The following MDFIC2 variants were observed in gnomAD, a reference collection of about 807,000 sequenced individuals.
MDFIC2 encodes MyoD family inhibitor domain containing 2.
chr3:70,221,042 T>G (rs1701457017), intron 2 of MDFIC2, among the ~76,000 whole-genome samples: 1 of 152,170 alleles, frequency 6.6e-6, no homozygotes, highest in Non-Finnish European at 1.5e-5. Flanking sequence ...CATATTATAT[T>G]GCATCTAAAC....
chr3:70,255,352 G>A (rs1198422073), intron 2 of MDFIC2, among the ~76,000 whole-genome samples: 1 of 152,196 alleles, frequency 6.6e-6, no homozygotes, highest in Non-Finnish European at 1.5e-5. Flanking sequence ...CCAAAGAAGA[G>A]GCTTGGCTGT....
chr3:70,260,286 G>C (rs1363259902), intron 2 of MDFIC2, among the ~76,000 whole-genome samples: 1 of 152,136 alleles, frequency 6.6e-6, no homozygotes, highest in African/African-American at 2.4e-5. Flanking sequence ...CCCTGTGTGT[G>C]TCTGTGTCTT....
At chr3:70,245,293 A>T (rs892033655) in intron 2 of MDFIC2, among the ~76,000 whole-genome samples, 1 of 152,132 alleles carries the variant, frequency 6.6e-6, no homozygotes, top group African/African-American at 2.4e-5. Context: ...ATATAAAATT[A>T]CTTTTGGATA....
chr3:70,203,666 A>T (rs1481514425), intron 3 of MDFIC2, among the ~76,000 whole-genome samples: 6 of 152,146 alleles, frequency 3.9e-5, no homozygotes, highest in Non-Finnish European at 5.9e-5. Context: ...AGAAAATGTA[A>T]TCATTTTATT....
intron 2 of MDFIC2, among the ~76,000 whole-genome samples, chr3:70,285,827 C>A (rs747272587): frequency 6.6e-6 from 1 of 152,284 alleles, no homozygotes; most frequent in South Asian, 2.1e-4. Flanking sequence ...AGCATTTAAT[C>A]ATGTGTTTTT....
At chr3:70,232,306 C>T (rs1012148111) in intron 2 of MDFIC2, among the ~76,000 whole-genome samples, 4 of 152,144 alleles carry the variant, frequency 2.6e-5, no homozygotes, top group Non-Finnish European at 4.4e-5. Context: ...GCAAGTGTCT[C>T]ATCTTCAACC....
chr3:70,206,722 A>C lies in MDFIC2; in HGVS notation c.157T>G (p.Ser53Ala). 1 of 397,836 alleles carries C rather than the reference A, an allele frequency of 2.5e-6. No homozygotes were observed. The highest frequency in any genetic ancestry group is 4.4e-6 in the Non-Finnish European group (1 of 225,556). 24.6% of individuals were successfully genotyped at this position (397,836 alleles called of 1,614,324 possible). A position where few individuals can be genotyped will look rare whatever the true frequency, so the allele number is the denominator to read the frequency against. Residue 53 changes from serine (S) to alanine (A), a missense_variant, in exon 3 of 4, where the codon TCT (serine) becomes GCT (alanine). Physicochemically the swap from Ser to Ala is moderately conservative, Grantham distance 99. Coordinates refer to ENST00000567252, the MANE Select transcript of MDFIC2 (RefSeq NM_001364677.1). ...PINAIVINSV[S>A]DFNITDGPAK... ...GGTCCATCTGTGATATTGAAGTCAG[A>C]TACTGAATTTATAACAATAGCATTA... is the stretch of plus-strand genomic sequence containing the variant.
chr3:70,267,488 C>T (rs1025066486), intron 2 of MDFIC2, among the ~76,000 whole-genome samples: 1 of 150,206 alleles, frequency 6.7e-6, no homozygotes, highest in African/African-American at 2.4e-5. Flanking sequence ...CTGCAAGCTC[C>T]GCCTCCTGGG....
intron 2 of MDFIC2, among the ~76,000 whole-genome samples, chr3:70,277,095 G>GT (rs762746048): frequency 1.8e-4 from 28 of 152,136 alleles, no homozygotes; most frequent in Non-Finnish European, 2.6e-4. Flanking sequence ...TCAATGAGGC[G>GT]TGAGAAACAT....
At chr3:70,295,768 A>C (rs774476952) in intron 2 of MDFIC2, among the ~76,000 whole-genome samples, 17 of 152,166 alleles carry the variant, frequency 1.1e-4, no homozygotes, top group Non-Finnish European at 2.2e-4. Flanking sequence ...GATCTGTGAT[A>C]TCTTTTGATT....
At chr3:70,274,368 T>G (rs1022470651) in intron 2 of MDFIC2, among the ~76,000 whole-genome samples, 11 of 151,400 alleles carry the variant, frequency 7.3e-5, no homozygotes, top group African/African-American at 2.5e-4. Flanking sequence ...TTAATTCTCT[T>G]GAAATATAGA....
At chr3:70,199,119 A>G (rs1008031996) in intron 3 of MDFIC2, among the ~76,000 whole-genome samples, 2 of 152,192 alleles carry the variant, frequency 1.3e-5, no homozygotes, top group African/African-American at 4.8e-5. Context: ...CCATATAAAA[A>G]TGAGTCCACT....
intron 2 of MDFIC2, among the ~76,000 whole-genome samples, chr3:70,264,984 G>A (rs558675268): frequency 2.0e-5 from 3 of 152,184 alleles, no homozygotes; most frequent in Non-Finnish European, 4.4e-5. Context: ...ATCTTACATG[G>A]TGGCAGCAAG....
At chr3:70,290,447 C>T (rs1469017141) in intron 2 of MDFIC2, among the ~76,000 whole-genome samples, 2 of 152,206 alleles carry the variant, frequency 1.3e-5, no homozygotes, top group African/African-American at 4.8e-5. Context: ...ACTGGGAGAA[C>T]CACTGCTCTC....
chr3:70,204,437 T>C (rs930420577), intron 3 of MDFIC2: 3 of 152,164 alleles, frequency 2.0e-5, no homozygotes, highest in African/African-American at 7.2e-5. Context: ...TTCTTATCAC[T>C]CTTTGTGGGT....
chr3:70,210,583 T>A (rs964361995), intron 2 of MDFIC2, among the ~76,000 whole-genome samples: 2 of 152,110 alleles, frequency 1.3e-5, no homozygotes, highest in Non-Finnish European at 2.9e-5. Context: ...TAAAGTAGCA[T>A]AAGCTCAAAG....
chr3:70,217,813 G>C (rs544182853), intron 2 of MDFIC2, among the ~76,000 whole-genome samples: 26 of 152,228 alleles, frequency 1.7e-4, no homozygotes, highest in Admixed American at 1.1e-3. Context: ...AGCTAGTTCT[G>C]TCTCTGAGTT....
At chr3:70,226,836 A>C (rs1333864486) in intron 2 of MDFIC2, among the ~76,000 whole-genome samples, 1 of 152,138 alleles carries the variant, frequency 6.6e-6, no homozygotes, top group Non-Finnish European at 1.5e-5. Flanking sequence ...GGAAGTGTAA[A>C]AAAAATAGTG....
At chr3:70,309,103 A>G (rs1490730077) in intron 2 of MDFIC2, among the ~76,000 whole-genome samples, 5 of 152,258 alleles carry the variant, frequency 3.3e-5, no homozygotes, top group South Asian at 2.1e-4. Flanking sequence ...AGGTCGACAC[A>G]TTTAAAATTC....
Sources: allele counts gnomAD v4.1 joint callset (sites outside exome capture counted in the v4.1 genomes callset), GRCh38; gene constraint gnomAD v4.1.1; transcripts MANE v1.5; gene names NCBI Gene and HGNC (gene_info 2026-07-23, HGNC 2026-07-21).